The following WWOX variants were observed in gnomAD, a reference collection of about 807,000 sequenced individuals.
WWOX encodes the protein WW domain-containing oxidoreductase.
Under a neutral mutation model 46.2 loss-of-function variants are expected in WWOX, and 69 were observed. The ratio of observed to expected loss-of-function variants is 1.49; its 90% CI spans 1.23 to 1.82. The LOEUF (loss-of-function observed/expected upper bound fraction) is 1.82, where lower values mean the gene tolerates loss of function less well. WWOX is among the 40% of genes most tolerant of loss of function. The pLI, the probability that WWOX is intolerant of heterozygous loss-of-function variation, is 0.00. For synonymous variants in WWOX, 359 were observed against 202.6 expected (o/e 1.77, Z -6.56); for missense variants, 919 against 542.6 (o/e 1.69, Z -6.89).
In WWOX at chr16:78,164,273, G is replaced by C; in HGVS notation, c.500G>C (p.Arg167Pro). 6.2e-7 allele frequency: 1 copy of C among 1,613,948 alleles called. No individual in the cohort carries two copies. Among genetic ancestry groups the C allele is most frequent in the Non-Finnish European group, 8.5e-7 (1 of 1,179,922 alleles). The change falls in exon 5 of 9, where the codon CGC becomes CCC. Residue 167 changes from arginine to proline, a missense_variant. Transcript: ENST00000566780. ...NMARASEAVS[R>P]ILEEWHKAKV... is the part of the protein sequence containing the mutation. ...GCAAGGGCGAGTGAAGCAGTGTCAC[G>C]CATTTTAGAAGAATGGGTAAGTGCT... is the stretch of plus-strand genomic sequence containing the variant.
At chr16:78,477,268 A>G (rs2084373492) in intron 8 of WWOX, among the ~76,000 whole-genome samples, 1 of 152,094 alleles carries the variant, frequency 6.6e-6, no homozygotes, top group Admixed American at 6.5e-5. Context: ...TTACCTATTG[A>G]TTTTTAATAT....
At chr16:78,817,274 T>G (rs879251638) in intron 8 of WWOX, among the ~76,000 whole-genome samples, 2 of 151,192 alleles carry the variant, frequency 1.3e-5, no homozygotes, top group Admixed American at 1.3e-4. Flanking sequence ...TATTGCTTCT[T>G]AAGCCTGGGC....
At chr16:79,109,559 A>G (rs2049377108) in intron 8 of WWOX, among the ~76,000 whole-genome samples, 2 of 152,212 alleles carry the variant, frequency 1.3e-5, no homozygotes, top group Admixed American at 6.5e-5. Flanking sequence ...TTGCTATTCA[A>G]AAGTGGAGAG....
chr16:78,803,779 A>G (rs189197818), intron 8 of WWOX, among the ~76,000 whole-genome samples: 1 of 152,282 alleles, frequency 6.6e-6, no homozygotes, highest in African/African-American at 2.4e-5. Flanking sequence ...TCTTGGAAGT[A>G]AAACCACAGG....
chr16:79,068,020 C>G (rs1301313637), intron 8 of WWOX, among the ~76,000 whole-genome samples: 1 of 152,168 alleles, frequency 6.6e-6, no homozygotes, highest in Non-Finnish European at 1.5e-5. Flanking sequence ...CATTGATCTT[C>G]CTGCCTTTGC....
At chr16:78,859,953 G>A (rs2052677139) in intron 8 of WWOX, among the ~76,000 whole-genome samples, 1 of 152,136 alleles carries the variant, frequency 6.6e-6, no homozygotes, top group Non-Finnish European at 1.5e-5. Context: ...TGAACTTTGT[G>A]ATTTGGTGAC....
intron 8 of WWOX, among the ~76,000 whole-genome samples, chr16:78,716,135 T>C (rs1034693206): frequency 4.6e-5 from 7 of 151,556 alleles, no homozygotes; most frequent in Admixed American, 4.6e-4. Flanking sequence ...AATATGCACA[T>C]AAAGGGGAAT....
At chr16:79,006,077 T>A (rs2047184576) in intron 8 of WWOX, among the ~76,000 whole-genome samples, 2 of 152,120 alleles carry the variant, frequency 1.3e-5, no homozygotes, top group Admixed American at 6.5e-5. Flanking sequence ...CAAGGCATGG[T>A]CACTGCGCTA....
At chr16:79,157,771 G>C (rs13332838) in intron 8 of WWOX, among the ~76,000 whole-genome samples, 8,797 of 152,212 alleles carry the variant, frequency 0.058, 364 homozygotes, top group African/African-American at 0.11. Context: ...GACATGGGGA[G>C]GCACCAGGAC....
intron 8 of WWOX, among the ~76,000 whole-genome samples, chr16:78,815,200 C>G (rs192711824): frequency 4.0e-4 from 61 of 152,110 alleles, no homozygotes; most frequent in Non-Finnish European, 7.1e-4. Context: ...TGGCACACAC[C>G]TGTAATCCCA....
At chr16:79,132,820 A>G (rs748294334) in intron 8 of WWOX, among the ~76,000 whole-genome samples, 2 of 152,210 alleles carry the variant, frequency 1.3e-5, no homozygotes, top group Non-Finnish European at 2.9e-5. Flanking sequence ...GAGTGTCCCA[A>G]TTATTTAGGT....
At chr16:78,656,640 C>T (rs750621081) in intron 8 of WWOX, among the ~76,000 whole-genome samples, 5 of 152,158 alleles carry the variant, frequency 3.3e-5, no homozygotes, top group Non-Finnish European at 7.3e-5. Context: ...CACCTCCCAC[C>T]GGGCCCCTCC....
At chr16:78,992,497 G>T (rs889397208) in intron 8 of WWOX, among the ~76,000 whole-genome samples, 1 of 152,050 alleles carries the variant, frequency 6.6e-6, no homozygotes, top group Non-Finnish European at 1.5e-5. Flanking sequence ...AAACAATTTG[G>T]CTCCAGTGAG....
At chr16:78,841,453 G>T (rs2052147271) in intron 8 of WWOX, among the ~76,000 whole-genome samples, 1 of 152,190 alleles carries the variant, frequency 6.6e-6, no homozygotes, top group Non-Finnish European at 1.5e-5. Context: ...GCTTGAAACT[G>T]ACCGTGGTGA....
chr16:78,317,127 G>A (rs139553207), intron 5 of WWOX, among the ~76,000 whole-genome samples: 7 of 152,278 alleles, frequency 4.6e-5, no homozygotes, highest in Admixed American at 3.3e-4. Context: ...CATCTCACCC[G>A]TCCAAAGAAT....
intron 5 of WWOX, among the ~76,000 whole-genome samples, chr16:78,323,848 C>T (rs2080546431): frequency 6.6e-6 from 1 of 152,104 alleles, no homozygotes; most frequent in Non-Finnish European, 1.5e-5. Flanking sequence ...TGGATAGGAA[C>T]CCAGTGCATG....
At chr16:78,967,990 AAAG>A (rs1331790358) in intron 8 of WWOX, among the ~76,000 whole-genome samples, 2 of 152,058 alleles carry the variant, frequency 1.3e-5, no homozygotes, top group Admixed American at 1.3e-4. Flanking sequence ...CACTATATTA[AAAG>A]AAGATGTATA....
intron 8 of WWOX, among the ~76,000 whole-genome samples, chr16:78,657,012 G>A (rs892513951): frequency 2.0e-5 from 3 of 152,118 alleles, no homozygotes; most frequent in Admixed American, 1.3e-4. Flanking sequence ...GTTTTGCTTC[G>A]TGTACTCATT....
chr16:78,803,578 C>G (rs1438436106), intron 8 of WWOX, among the ~76,000 whole-genome samples: 1 of 152,116 alleles, frequency 6.6e-6, no homozygotes, highest in African/African-American at 2.4e-5. Context: ...TCCCAAGTAG[C>G]TTAGAACCAC....
Sources: gnomAD v4.1 joint callset for allele counts (sites outside exome capture counted in the v4.1 genomes callset) on GRCh38, gnomAD v4.1.1 for gene constraint, MANE v1.5 for transcripts, NCBI Gene and HGNC (gene_info 2026-07-23, HGNC 2026-07-21) for gene names.